Variants in DSG4 observed in about 807,000 individuals in gnomAD.
The protein encoded by DSG4 is desmoglein 4, also known as desmoglein-4.
In DSG4, 87 loss-of-function variants were observed where a neutral mutation model predicts 93.1. The ratio of observed to expected loss-of-function variants is 0.93; its 90% CI spans 0.79 to 1.12. The LOEUF (loss-of-function observed/expected upper bound fraction) is 1.12. Among genes scored for constraint, DSG4 ranks in the 50% most tolerant of loss-of-function variants. The pLI, the probability that DSG4 is intolerant of heterozygous loss-of-function variation, is 0.00. For missense variants in DSG4, 1,373 were observed against 1,285.7 expected, an observed-to-expected ratio of 1.07 and a Z score of -1.04; for synonymous variants, 432 against 452.9, an observed-to-expected ratio of 0.95 and a Z score of 0.59.
At chr18:31,407,750 A>G (rs1181112626) in intron 12 of DSG4, among the ~76,000 whole-genome samples, 2 of 152,222 alleles carry the variant, frequency 1.3e-5, no homozygotes, top group Non-Finnish European at 2.9e-5. Flanking sequence ...TCTCACAATG[A>G]TATTAGACAC....
intron 12 of DSG4, among the ~76,000 whole-genome samples, chr18:31,407,306 G>A (rs928077141): frequency 3.9e-5 from 6 of 152,196 alleles, no homozygotes; most frequent in African/African-American, 1.4e-4. Flanking sequence ...GTTGATGAGG[G>A]CTGATGAGCG....
intron 3 of DSG4, among the ~76,000 whole-genome samples, chr18:31,387,570 C>T (rs1158213767): frequency 4.6e-5 from 7 of 152,056 alleles, no homozygotes; most frequent in Non-Finnish European, 1.0e-4. Context: ...TTATGTTATT[C>T]CACTTATATT....
In DSG4 at chr18:31,413,219, C is replaced by T. The variant is rs866991926; in HGVS notation, c.2747C>T (p.Pro916Leu). ...IVTETYGNADPCVQPTTIIFD... is the reference protein window; with the variant it reads ...IVTETYGNADLCVQPTTIIFD... ...ACTGAGACTTACGGTAATGCTGATC[C>T]ATGTGTGCAACCCACTACAATTATT... Residue 916 changes from proline (P) to leucine (L), a missense_variant, in exon 16 of 16, where the codon CCA (proline) becomes CTA (leucine). Physicochemically the swap from Pro to Leu is moderately conservative, Grantham distance 98. Coordinates refer to ENST00000308128, the MANE Select transcript of DSG4 (RefSeq NM_177986.5). 2.5e-6 allele frequency: 4 copies of T among 1,614,110 alleles called. No homozygotes were observed. The highest frequency in any genetic ancestry group is 2.2e-5 in the East Asian group (1 of 44,872).
rs2072463639 is a variant in DSG4, at chr18:31,409,565, A to AT, written c.2049dup (p.Glu684Ter). 6.2e-7 allele frequency: 1 copy of AT among 1,614,084 alleles called. No individual in the cohort carries two copies. ...AGAAGGAGTGATGCAGTCTTGGAGA[A>AT]TTGAAGGGGCCCATCCCGAGGACAG... On this transcript the variant is annotated frameshift_variant, in exon 13 of 16. Coordinates refer to ENST00000308128, the MANE Select transcript of DSG4 (RefSeq NM_177986.5). LOFTEE classifies it high-confidence loss of function.
intron 12 of DSG4, among the ~76,000 whole-genome samples, chr18:31,408,240 C>G (rs538743327): frequency 6.6e-6 from 1 of 152,320 alleles, no homozygotes; most frequent in Non-Finnish European, 1.5e-5. Context: ...ATTACACATA[C>G]AGTAATTGTA....
intron 11 of DSG4, among the ~76,000 whole-genome samples, chr18:31,404,481 C>A (rs1020454853): frequency 6.6e-6 from 1 of 152,092 alleles, no homozygotes; most frequent in African/African-American, 2.4e-5. Context: ...TAAGATAGCT[C>A]CCCAATCTCA....
In DSG4 at chr18:31,399,163, G is replaced by A. The variant is rs913936354; in HGVS notation, c.1006-109G>A. On this transcript the variant is annotated intron_variant, in intron 8 of 15. Transcript: ENST00000308128. ...TTTTTCAATTCAAAATCTAAACAGC[G>A]TATCTCCTGGACCTTATTCTAGTGT... is the stretch of plus-strand genomic sequence containing the variant. The A allele has an allele frequency of 2.4e-5, 34 of 1,397,748 alleles. 1 individual carries two copies. Among genetic ancestry groups the A allele is most frequent in the Non-Finnish European group, 3.0e-5 (30 of 1,012,768 alleles). The allele number at this position is 1,397,748 out of a possible 1,614,324, so 86.6% of individuals were successfully genotyped here.
intron 8 of DSG4, among the ~76,000 whole-genome samples, chr18:31,393,387 G>A (rs759764713): frequency 1.3e-5 from 2 of 152,142 alleles, no homozygotes; most frequent in Non-Finnish European, 2.9e-5. Context: ...CATTTTGCAG[G>A]CCATACAGGA....
At chr18:31,412,095 T>C (rs5022334) in intron 15 of DSG4, among the ~76,000 whole-genome samples, 105,356 of 152,102 alleles carry the variant, frequency 0.69, 36,540 homozygotes, top group East Asian at 0.89. Context: ...GCAGCACTAG[T>C]CACGTAGCCA....
Position 31,406,154 on chromosome 18 carries a change from T to G in DSG4, c.1714T>G (p.Tyr572Asp), listed in dbSNP as rs770734825. Residue 572 changes from tyrosine (Y) to aspartate (D), a missense_variant, in exon 12 of 16, where the codon TAT becomes GAT. Physicochemically the swap from Tyr to Asp is radical, Grantham distance 160. Transcript: ENST00000308128. ...YEIPILVKDSYNRACELAQMV... is the reference protein window; with the variant it reads ...YEIPILVKDSDNRACELAQMV... ...AATCCCAATCCTGGTGAAGGACAGCTATAACAGAGCATGTGAATTGGCACA... is the reference window on the plus strand; with the variant it reads ...AATCCCAATCCTGGTGAAGGACAGCGATAACAGAGCATGTGAATTGGCACA... The G allele has an allele frequency of 6.2e-7, 1 of 1,614,176 alleles. No homozygotes were observed. Among genetic ancestry groups the G allele is most frequent in the Non-Finnish European group, 8.5e-7 (1 of 1,180,016 alleles).
rs761060284 is a variant in DSG4 at position 31,413,263 on chromosome 18, C to T, written c.2791C>T (p.Pro931Ser). Residue 931 changes from proline to serine, a missense_variant, in exon 16 of 16, where the codon CCC (proline) becomes TCC (serine). Coordinates refer to ENST00000308128, the MANE Select transcript of DSG4 (RefSeq NM_177986.5). ...AATTATTTTTGATCCTCAGCTTGCA[C>T]CCAATGTTGTAGTAACCGAAGCAGT... ...TTIIFDPQLA[P>S]NVVVTEAVMA... The T allele has an allele frequency of 3.1e-6, 5 of 1,614,078 alleles. No homozygotes were observed. In the Admixed American group the frequency reaches 8.3e-5, roughly 27 times the overall value.
At chr18:31,385,266 G>T in intron 2 of DSG4, 95 bp downstream of exon 2, 1 of 913,612 alleles carries the variant, frequency 1.1e-6, no homozygotes, top group Non-Finnish European at 1.6e-6. Context: ...ATTTGAAATT[G>T]TAATTATCCA....
At position 31,413,290 on chromosome 18, in the gene DSG4, A is replaced by G. The variant is rs537837631; in HGVS notation, c.2818A>G (p.Met940Val). 2.5e-6 allele frequency: 4 copies of G among 1,614,026 alleles called. No homozygotes were observed. The highest frequency in any genetic ancestry group is 3.4e-6 in the Non-Finnish European group (4 of 1,180,056). ...CAATGTTGTAGTAACCGAAGCAGTA[A>G]TGGCACCTGTCTATGATATTCAAGG... ...APNVVVTEAVMAPVYDIQGNI... is the reference protein window; with the variant it reads ...APNVVVTEAVVAPVYDIQGNI... The change falls in exon 16 of 16, where the codon ATG (methionine) becomes GTG (valine). Residue 940 changes from methionine (M) to valine (V), a missense_variant. Transcript: ENST00000308128.
rs1223034274 is a variant in DSG4, at chr18:31,409,760, T to C, written c.2089T>C (p.Cys697Arg). ...TTCTTTTCAGGATGTGTCAAATATA[T>C]GTGCACCCATGACAGCCTCAAATAC... ...HPEDRDVSNI[C>R]APMTASNTQD... Residue 697 changes from cysteine to arginine, a missense_variant, in exon 14 of 16, where the codon TGT becomes CGT. By Grantham distance (180) the Cys-to-Arg change is radical. Coordinates refer to ENST00000308128, the MANE Select transcript of DSG4 (RefSeq NM_177986.5). 2 of 1,614,208 alleles carry C rather than the reference T, an allele frequency of 1.2e-6. No individual in the cohort carries two copies. Among genetic ancestry groups the C allele is most frequent in the African/African-American group, 1.3e-5 (1 of 75,070 alleles).
rs866353795 is a variant in DSG4, at chr18:31,391,211, C to A, written c.818C>A (p.Ser273Ter). 6.2e-7 allele frequency: 1 copy of A among 1,613,456 alleles called. No homozygotes were observed. Among genetic ancestry groups the A allele is most frequent in the Non-Finnish European group, 8.5e-7 (1 of 1,179,526 alleles). Residue 273 changes from serine to a stop codon, truncating the protein, a stop_gained and splice_region_variant, in exon 7 of 16, where the codon TCA becomes TAA. Coordinates refer to ENST00000308128, the MANE Select transcript of DSG4 (RefSeq NM_177986.5). LOFTEE classifies it high-confidence loss of function. ...NDNFPTLEKT[S>*]YSASIEENCL... ...AATTTCCCCACCTTAGAGAAAACTTCAGTAAGTTTGTATTCTTATCTTCCT... is the reference window on the plus strand; with the variant it reads ...AATTTCCCCACCTTAGAGAAAACTTAAGTAAGTTTGTATTCTTATCTTCCT...
chr18:31,401,390 C>T (rs1344066060), intron 10 of DSG4, among the ~76,000 whole-genome samples: 2 of 152,062 alleles, frequency 1.3e-5, no homozygotes, highest in African/African-American at 2.4e-5. Context: ...TGGGGATCAC[C>T]TTGTGGGAAA....
At chr18:31,400,686 AC>A (rs1004994362) in intron 9 of DSG4, among the ~76,000 whole-genome samples, 194 bp from the exon 10 acceptor site, 1 of 152,188 alleles carries the variant, frequency 6.6e-6, no homozygotes, top group African/African-American at 2.4e-5. Flanking sequence ...AAATTTTAAA[AC>A]TTGCAGACCT....
chr18:31,387,485 T>C (rs1323134774), intron 3 of DSG4, among the ~76,000 whole-genome samples: 2 of 152,146 alleles, frequency 1.3e-5, no homozygotes, highest in Admixed American at 6.5e-5. Flanking sequence ...AGAAAACAGA[T>C]GTATTCTCTC....
chr18:31,410,754 A>G (rs1222201622), intron 14 of DSG4, among the ~76,000 whole-genome samples: 1 of 152,182 alleles, frequency 6.6e-6, no homozygotes, highest in Non-Finnish European at 1.5e-5. Context: ...ATGGTTCCTT[A>G]GTATCCCAAG....
Sources: allele counts gnomAD v4.1 joint callset (sites outside exome capture counted in the v4.1 genomes callset), GRCh38; gene constraint gnomAD v4.1.1; transcripts MANE v1.5; gene names NCBI Gene and HGNC (gene_info 2026-07-23, HGNC 2026-07-21).